Variants in NRF1 observed in about 807,000 individuals in gnomAD.
NRF1 encodes nuclear respiratory factor 1.
A neutral mutation model predicts 58.5 loss-of-function variants in NRF1; 5 were observed. That is an observed-to-expected ratio of 0.09 (90% CI 0.04 to 0.18). The LOEUF is 0.18. Ranked by LOEUF, NRF1 falls within the 10% of genes least tolerant of loss-of-function variation. The pLI is 1.00. For synonymous variants in NRF1, 224 were observed against 246.7 expected, an observed-to-expected ratio of 0.91 and a Z score of 0.86; for missense variants, 288 against 657.7, an observed-to-expected ratio of 0.44 and a Z score of 6.15.
intron 1 of NRF1, among the ~76,000 whole-genome samples, chr7:129,626,571 C>T (rs543081072): frequency 2.6e-5 from 4 of 152,194 alleles, no homozygotes; most frequent in Non-Finnish European, 5.9e-5. Flanking sequence ...TACATTAAGT[C>T]ATACTGCGTA....
intron 2 of NRF1, among the ~76,000 whole-genome samples, chr7:129,665,268 C>T (rs1801893301): frequency 6.6e-6 from 1 of 152,162 alleles, no homozygotes; most frequent in Admixed American, 6.5e-5. Flanking sequence ...TAAGGAATTT[C>T]GAGAGGCAGC....
At chr7:129,732,586 G>C (rs1803606366) in intron 10 of NRF1, among the ~76,000 whole-genome samples, 1 of 114,592 alleles carries the variant, frequency 8.7e-6, no homozygotes, top group Admixed American at 9.6e-5. Context: ...TTTGGGTTTT[G>C]TCCTTTGGGG....
chr7:129,623,842 C>T lies in NRF1; in HGVS notation c.-7+12018C>T, dbSNP rs1470998344. Among the ~76,000 whole-genome samples the T allele has an allele frequency of 2.0e-5, 3 of 152,034 alleles. No individual in the cohort carries two copies. In the East Asian group the frequency reaches 5.8e-4, roughly 29 times the overall value. On this transcript the variant is annotated intron_variant, in intron 1 of 10. Transcript: ENST00000393232. ...TACTTTGAAAGATTAAGATCTTTTC[C>T]AAAAGAAGAACTTTTAGAATGTATG... is the stretch of plus-strand genomic sequence containing the variant.
At chr7:129,693,849 C>T (rs1279878822) in intron 5 of NRF1, among the ~76,000 whole-genome samples, 2 of 152,272 alleles carry the variant, frequency 1.3e-5, no homozygotes, top group East Asian at 3.9e-4. Flanking sequence ...AGGTAAACTC[C>T]TCTCCTGTGA....
intron 5 of NRF1, among the ~76,000 whole-genome samples, chr7:129,702,567 A>G (rs1260697670): frequency 6.6e-6 from 1 of 152,204 alleles, no homozygotes; most frequent in East Asian, 1.9e-4. Context: ...ATATAGGGCA[A>G]ATGAATCACT....
intron 4 of NRF1, among the ~76,000 whole-genome samples, chr7:129,683,633 AT>A (rs36101502): frequency 8.3e-4 from 97 of 117,424 alleles, no homozygotes; most frequent in East Asian, 1.8e-3. Flanking sequence ...ACTGGCCGGA[AT>A]TTTTTTTTTT....
chr7:129,707,275 T>C (rs1165619660), intron 5 of NRF1, among the ~76,000 whole-genome samples: 3 of 152,218 alleles, frequency 2.0e-5, no homozygotes, highest in African/African-American at 7.2e-5. Flanking sequence ...ATTATAGGCA[T>C]GAGCCACTGC....
At chr7:129,635,047 G>A (rs71581764) in intron 1 of NRF1, among the ~76,000 whole-genome samples, 11 of 152,186 alleles carry the variant, frequency 7.2e-5, no homozygotes, top group Admixed American at 6.5e-4. Context: ...AGAAATCAGA[G>A]GACTGCATTT....
At chr7:129,637,191 C>A (rs1801184591) in intron 1 of NRF1, among the ~76,000 whole-genome samples, 1 of 151,736 alleles carries the variant, frequency 6.6e-6, no homozygotes, top group Non-Finnish European at 1.5e-5. Context: ...AGAAGAAATT[C>A]CACTGTTACC....
Position 129,755,277 on chromosome 7 carries a change from T to C in NRF1, c.*96T>C, listed in dbSNP as rs1804225611. 8.7e-6 allele frequency: 10 copies of C among 1,145,898 alleles called. No individual in the cohort carries two copies. The highest frequency in any genetic ancestry group is 1.6e-5 in the African/African-American group (1 of 62,554). 71.0% of individuals were successfully genotyped at this position (1,145,898 alleles called of 1,614,324 possible). ...CAAATGGAATTAAGTCTCTCGACTT[T>C]GGAAGGAAAGTTTTGTTAACCTTTT... is the stretch of plus-strand genomic sequence containing the variant. On this transcript the variant is annotated 3_prime_UTR_variant, in exon 11 of 11. Transcript: ENST00000393232. The surrounding 1 kb of genome is among the most constrained non-coding windows in gnomAD (Gnocchi z 5.8).
chr7:129,651,682 C>G (rs888122106), intron 1 of NRF1, among the ~76,000 whole-genome samples: 2 of 152,138 alleles, frequency 1.3e-5, no homozygotes, highest in Non-Finnish European at 2.9e-5. Flanking sequence ...CTAAAATGCC[C>G]TAAGCAGTTT....
At chr7:129,617,499 C>T (rs894434612) in intron 1 of NRF1, among the ~76,000 whole-genome samples, 4 of 152,140 alleles carry the variant, frequency 2.6e-5, no homozygotes, top group African/African-American at 7.2e-5. Flanking sequence ...AAGAAATAAC[C>T]TCCTTAAGTG....
chr7:129,685,556 A>AGTGTGTGTGTGT lies in NRF1; in HGVS notation c.466-4813_466-4802dup, dbSNP rs67721424. On this transcript the variant is annotated intron_variant, in intron 4 of 10. Transcript: ENST00000393232. ...AACATGTAAGACCCTGTCTCATTCAAGTGTGTGTGTGTGTGTGTGTGTGTG... is the reference window on the plus strand; with the variant it reads ...AACATGTAAGACCCTGTCTCATTCAAGTGTGTGTGTGTGTGTGTGTGTGTGTGTGTGTGTGTG... Among the ~76,000 whole-genome samples, 129 of 143,102 alleles carry AGTGTGTGTGTGT rather than the reference A, an allele frequency of 9.0e-4. 1 individual carries two copies. Among genetic ancestry groups the AGTGTGTGTGTGT allele is most frequent in the African/African-American group, 2.2e-3 (84 of 37,436 alleles). 93.9% of individuals were successfully genotyped at this position (143,102 alleles called of 152,430 possible).
At chr7:129,730,212 A>G (rs1214115139) in intron 10 of NRF1, among the ~76,000 whole-genome samples, 1 of 152,026 alleles carries the variant, frequency 6.6e-6, no homozygotes, top group Non-Finnish European at 1.5e-5. Context: ...TTTAATAGAA[A>G]TGAGGCCTCT....
chr7:129,705,691 G>A (rs572257726), intron 5 of NRF1, among the ~76,000 whole-genome samples: 1 of 152,230 alleles, frequency 6.6e-6, no homozygotes, highest in East Asian at 1.9e-4. Context: ...TGAGGCAGGA[G>A]GATTGCTTCA....
chr7:129,739,735 A>G (rs1480182707), intron 10 of NRF1, among the ~76,000 whole-genome samples: 3 of 152,174 alleles, frequency 2.0e-5, no homozygotes, highest in Admixed American at 6.5e-5. Context: ...GGCCATGTGC[A>G]TATTTCCACT....
At chr7:129,701,666 T>C (rs914031961) in intron 5 of NRF1, among the ~76,000 whole-genome samples, 2 of 152,112 alleles carry the variant, frequency 1.3e-5, no homozygotes, top group Non-Finnish European at 2.9e-5. Flanking sequence ...GAATGGGTAT[T>C]GTCTGGTACT....
chr7:129,707,841 G>T (rs917681508), intron 5 of NRF1, among the ~76,000 whole-genome samples: 13 of 152,080 alleles, frequency 8.5e-5, no homozygotes, highest in African/African-American at 3.1e-4. Flanking sequence ...CAACATTACT[G>T]ATTGGGTTCA....
At chr7:129,686,605 A>G (rs1802448649) in intron 4 of NRF1, among the ~76,000 whole-genome samples, 1 of 152,254 alleles carries the variant, frequency 6.6e-6, no homozygotes, top group South Asian at 2.1e-4. Context: ...GAATTATGGT[A>G]AGGATTATTT....
Sources: gnomAD v4.1 joint callset for allele counts (sites outside exome capture counted in the v4.1 genomes callset) on GRCh38, gnomAD v4.1.1 for gene constraint, Gnocchi (gnomAD v3.1) non-coding constraint, MANE v1.5 for transcripts, NCBI Gene and HGNC (gene_info 2026-07-23, HGNC 2026-07-21) for gene names.